Variants in NDST4 observed in about 807,000 individuals in gnomAD.
The protein encoded by NDST4 is N-deacetylase and N-sulfotransferase 4.
A neutral mutation model predicts 100.8 loss-of-function variants in NDST4; 63 were observed. That is an observed-to-expected ratio of 0.62 (90% CI 0.51 to 0.77). The LOEUF (loss-of-function observed/expected upper bound fraction) is 0.77, where lower values mean the gene tolerates loss of function less well. Among genes scored for constraint, NDST4 ranks in the 30% least tolerant of loss-of-function variants. The pLI is 0.00. For synonymous variants in NDST4, 377 were observed against 361.8 expected, an observed-to-expected ratio of 1.04 and a Z score of -0.48; for missense variants, 943 against 1,018.4, an observed-to-expected ratio of 0.93 and a Z score of 1.01.
intron 6 of NDST4, among the ~76,000 whole-genome samples, chr4:114,885,163 T>G (rs1724452350): frequency 6.6e-6 from 1 of 152,130 alleles, no homozygotes; most frequent in South Asian, 2.1e-4. Context: ...ACAGGCTATA[T>G]TTTTAAATAC....
chr4:114,864,866 T>C (rs1723991973), intron 7 of NDST4, among the ~76,000 whole-genome samples: 1 of 152,160 alleles, frequency 6.6e-6, no homozygotes, highest in Non-Finnish European at 1.5e-5. Flanking sequence ...TCTGTGTCTG[T>C]CTGGGGTGAC....
chr4:115,077,586 T>G (rs773354776), intron 1 of NDST4, among the ~76,000 whole-genome samples: 15 of 152,122 alleles, frequency 9.9e-5, no homozygotes, highest in Non-Finnish European at 2.2e-4. Flanking sequence ...AGTAAGAAAG[T>G]AAGCTTTAAC....
chr4:115,066,977 C>G (rs1728961670), intron 2 of NDST4, among the ~76,000 whole-genome samples: 1 of 152,170 alleles, frequency 6.6e-6, no homozygotes, highest in African/African-American at 2.4e-5. Context: ...GCTGTCTATG[C>G]CATTTTTCTC....
intron 10 of NDST4, among the ~76,000 whole-genome samples, chr4:114,844,141 TC>T (rs1723494177): frequency 1.3e-5 from 2 of 152,222 alleles, no homozygotes; most frequent in African/African-American, 4.8e-5. Context: ...TACTTATTCT[TC>T]ATTCAGTTTC....
chr4:115,059,265 T>C (rs947477167), intron 2 of NDST4, among the ~76,000 whole-genome samples: 1 of 152,004 alleles, frequency 6.6e-6, no homozygotes, highest in African/African-American at 2.4e-5. Flanking sequence ...TTAAGTTAGG[T>C]ATGGAATGAA....
chr4:114,889,733 G>T lies in NDST4; in HGVS notation c.1537-18783C>A, dbSNP rs182931983. On this transcript the variant is annotated intron_variant, in intron 6 of 13. Coordinates refer to ENST00000264363, the MANE Select transcript of NDST4 (RefSeq NM_022569.3). ...TTTCAGGGAGACAGCCTTGACTGGG[G>T]GGAGAAAAAGCACAGAGCTTAATAT... Among the ~76,000 whole-genome samples the T allele has an allele frequency of 4.1e-4, 63 of 152,244 alleles. 1 individual carries two copies. In the East Asian group the frequency reaches 0.011, roughly 27 times the overall value.
chr4:114,909,462 C>A (rs1725018491), intron 6 of NDST4, among the ~76,000 whole-genome samples: 2 of 151,064 alleles, frequency 1.3e-5, no homozygotes, highest in African/African-American at 4.9e-5. Flanking sequence ...AGATCGAGAC[C>A]ATCCTGGCTA....
chr4:114,830,495 A>G (rs1723171504), intron 12 of NDST4, among the ~76,000 whole-genome samples: 1 of 152,248 alleles, frequency 6.6e-6, no homozygotes, highest in Non-Finnish European at 1.5e-5. Flanking sequence ...AAGGCAGATA[A>G]TCTGTTAGAT....
intron 2 of NDST4, among the ~76,000 whole-genome samples, chr4:114,981,625 T>C (rs935497856): frequency 6.6e-6 from 1 of 152,180 alleles, no homozygotes; most frequent in Non-Finnish European, 1.5e-5. Flanking sequence ...TTTTTAACAA[T>C]GATTTTTATA....
chr4:114,853,556 G>A (rs1192488841), intron 7 of NDST4, among the ~76,000 whole-genome samples: 1 of 151,968 alleles, frequency 6.6e-6, no homozygotes, highest in African/African-American at 2.4e-5. Flanking sequence ...AATTAAAAGG[G>A]CTTTTAAAAT....
chr4:114,937,638 G>T, intron 4 of NDST4, 135 bp from the exon 5 acceptor site: 1 of 682,122 alleles, frequency 1.5e-6, no homozygotes. Flanking sequence ...CAAGGTAGAG[G>T]TTTTATCTTC....
chr4:114,884,785 G>A (rs1189770406), intron 6 of NDST4, among the ~76,000 whole-genome samples: 1 of 152,122 alleles, frequency 6.6e-6, no homozygotes, highest in Non-Finnish European at 1.5e-5. Context: ...AATGAAGCAT[G>A]TTAGAATAAA....
chr4:114,928,811 C>T (rs889780100), intron 6 of NDST4, among the ~76,000 whole-genome samples: 2 of 152,154 alleles, frequency 1.3e-5, no homozygotes. Flanking sequence ...CTTTGGGACA[C>T]TGTTTTTTCT....
At chr4:115,112,574 AC>A (rs1358007854) in intron 1 of NDST4, among the ~76,000 whole-genome samples, 1 of 151,954 alleles carries the variant, frequency 6.6e-6, no homozygotes, top group Admixed American at 6.6e-5. Context: ...AATAAACAAA[AC>A]ATATAATCAC....
chr4:114,901,956 G>T lies in NDST4; in HGVS notation c.1537-31006C>A, dbSNP rs372024957. 5.3e-5 allele frequency among the ~76,000 whole-genome samples: 8 copies of T among 151,820 alleles called. No individual in the cohort carries two copies. The East Asian group carries it at 1.4e-3, about 26-fold the overall frequency. ...GTAGTGCAAATATCTTTTAAGAAAA[G>T]AAATCCTAATTTCTCCTTCCAATGT... On this transcript the variant is annotated intron_variant, in intron 6 of 13. Coordinates refer to ENST00000264363, the MANE Select transcript of NDST4 (RefSeq NM_022569.3).
intron 6 of NDST4, among the ~76,000 whole-genome samples, chr4:114,919,564 G>T (rs1184110299): frequency 6.6e-6 from 1 of 152,166 alleles, no homozygotes; most frequent in Non-Finnish European, 1.5e-5. Context: ...GGATGGTGTG[G>T]TTATAGTGTA....
chr4:114,915,797 G>T (rs1225963619), intron 6 of NDST4, among the ~76,000 whole-genome samples: 1 of 151,846 alleles, frequency 6.6e-6, no homozygotes, highest in Non-Finnish European at 1.5e-5. Flanking sequence ...ATGAGCTGAA[G>T]TTGCTTATTA....
chr4:114,971,894 CT>C (rs1003867808), intron 3 of NDST4, among the ~76,000 whole-genome samples: 20 of 152,042 alleles, frequency 1.3e-4, no homozygotes, highest in Admixed American at 2.0e-4. Context: ...AAGTTAACCT[CT>C]CTAGGTCTTA....
chr4:114,999,024 G>T (rs1727225656), intron 2 of NDST4, among the ~76,000 whole-genome samples: 2 of 152,030 alleles, frequency 1.3e-5, no homozygotes, highest in Admixed American at 1.3e-4. Flanking sequence ...TGAGGTCAAG[G>T]TCTATTTTGT....
Sources: gnomAD v4.1 joint callset for allele counts (sites outside exome capture counted in the v4.1 genomes callset) on GRCh38, gnomAD v4.1.1 for gene constraint, MANE v1.5 for transcripts, NCBI Gene and HGNC (gene_info 2026-07-23, HGNC 2026-07-21) for gene names.